ITCH: variants seen among roughly 807,000 people sequenced by gnomAD.
ITCH encodes itchy E3 ubiquitin protein ligase.
ITCH carries 28 observed loss-of-function variants against 126.8 expected under a neutral mutation model. The ratio of observed to expected loss-of-function variants is 0.22; its 90% CI spans 0.16 to 0.30. The LOEUF (loss-of-function observed/expected upper bound fraction) is 0.30, where lower values mean the gene tolerates loss of function less well. Ranked by LOEUF, ITCH falls within the 10% of genes least tolerant of loss-of-function variation. The pLI is 1.00. For missense variants in ITCH, 631 were observed against 1,032.4 expected, an observed-to-expected ratio of 0.61 and a Z score of 5.33; for synonymous variants, 342 against 340.0, an observed-to-expected ratio of 1.01 and a Z score of -0.06.
chr20:34,375,705 T>TTTTTTTTTTTC (rs2037816501), intron 2 of ITCH, among the ~76,000 whole-genome samples: 1 of 112,636 alleles, frequency 8.9e-6, no homozygotes, highest in African/African-American at 3.7e-5. Context: ...AATTTTTTTT[T>TTTTTTTTTTTC]TTTTTTTTTT....
At chr20:34,378,431 C>T (rs577683964) in intron 2 of ITCH, among the ~76,000 whole-genome samples, 1 of 136,184 alleles carries the variant, frequency 7.3e-6, no homozygotes, top group Non-Finnish European at 1.5e-5. Flanking sequence ...AGAGATTGCG[C>T]CATTGTACTC....
At chr20:34,443,627 G>T (rs1340409152) in intron 10 of ITCH, among the ~76,000 whole-genome samples, 2 of 152,120 alleles carry the variant, frequency 1.3e-5, no homozygotes, top group African/African-American at 4.8e-5. Context: ...ACCCTGAAAA[G>T]GTACTGTTTT....
chr20:34,369,598 A>G lies in ITCH; in HGVS notation c.-22+128A>G, dbSNP rs181201265. On this transcript the variant is annotated intron_variant, in intron 2 of 24. Coordinates refer to ENST00000374864, the MANE Select transcript of ITCH (RefSeq NM_031483.7). ...GCATCAGTTGGTTGAACATATAGGC[A>G]GCTTCACTTGGTTCTGAAACCCAAA... 6 of 393,018 alleles carry G rather than the reference A, an allele frequency of 1.5e-5. No individual in the cohort carries two copies. The Admixed American group carries it at 2.7e-4, about 17-fold the overall frequency. The allele number at this position is 393,018 out of a possible 1,614,324, so 24.3% of individuals were successfully genotyped here. A position where few individuals can be genotyped will look rare whatever the true frequency, so the allele number is the denominator to read the frequency against.
At chr20:34,402,177 G>A (rs543297478) in intron 3 of ITCH, 7 of 1,383,048 alleles carry the variant, frequency 5.1e-6, no homozygotes, top group South Asian at 3.5e-5. Flanking sequence ...GCTCTTCTTC[G>A]GTTCTGGAGG....
chr20:34,425,710 G>C (rs1310221444), intron 7 of ITCH, among the ~76,000 whole-genome samples: 6 of 152,178 alleles, frequency 3.9e-5, no homozygotes, highest in African/African-American at 1.4e-4. Context: ...ACGTATTCAT[G>C]ATACAGATTC....
chr20:34,379,535 CTG>C (rs1369916414), intron 2 of ITCH, among the ~76,000 whole-genome samples: 1 of 151,588 alleles, frequency 6.6e-6, no homozygotes, highest in Admixed American at 6.6e-5. Flanking sequence ...TTTTCTGTCT[CTG>C]TGAATTTAGC....
At chr20:34,477,663 G>C in intron 16 of ITCH, 109 bp from the exon 17 acceptor site, 1 of 915,558 alleles carries the variant, frequency 1.1e-6, no homozygotes. Context: ...ACCTTTCTGT[G>C]TCATGGGAGA....
intron 2 of ITCH, among the ~76,000 whole-genome samples, chr20:34,383,836 CTTTTTTTT>C (rs745864966): frequency 0.013 from 917 of 68,676 alleles, 15 homozygotes; most frequent in African/African-American, 0.049. Context: ...GTCTGTAATT[CTTTTTTTT>C]TTTTTTTTTT....
intron 2 of ITCH, among the ~76,000 whole-genome samples, chr20:34,374,437 G>A (rs1268060432): frequency 6.6e-6 from 1 of 152,118 alleles, no homozygotes; most frequent in Non-Finnish European, 1.5e-5. Context: ...AATAGTAATA[G>A]CATATATACA....
At chr20:34,409,389 T>C (rs945962221) in intron 4 of ITCH, among the ~76,000 whole-genome samples, 1 of 152,008 alleles carries the variant, frequency 6.6e-6, no homozygotes, top group African/African-American at 2.4e-5. Context: ...ACGGTGCCAG[T>C]TATACTATAG....
intron 1 of ITCH, among the ~76,000 whole-genome samples, chr20:34,367,249 C>T (rs2037455197): frequency 1.3e-5 from 2 of 152,202 alleles, no homozygotes; most frequent in South Asian, 2.1e-4. Flanking sequence ...GTGATCTCGG[C>T]TCACTGCAAC....
At chr20:34,410,394 AAAG>A (rs1978840838) in intron 4 of ITCH, among the ~76,000 whole-genome samples, 1 of 152,044 alleles carries the variant, frequency 6.6e-6, no homozygotes, top group African/African-American at 2.4e-5. Context: ...GAAAAAAAAA[AAAG>A]AATTTATGGA....
chr20:34,370,152 A>C (rs2037567184), intron 2 of ITCH, among the ~76,000 whole-genome samples: 2 of 151,200 alleles, frequency 1.3e-5, no homozygotes, highest in South Asian at 4.2e-4. Context: ...GAAAGAATAG[A>C]GGACTTGGAA....
intron 14 of ITCH, chr20:34,466,314 T>G: frequency 1.9e-6 from 1 of 518,594 alleles, no homozygotes; most frequent in Non-Finnish European, 4.0e-6. Flanking sequence ...CTGCTGAGAT[T>G]TTTTTGCTGA....
intron 10 of ITCH, 22 bp from the exon 11 acceptor site, chr20:34,445,265 T>TG (rs1555875525): frequency 3.8e-6 from 6 of 1,592,962 alleles, no homozygotes; most frequent in South Asian, 1.1e-5. Flanking sequence ...AGCTTGTTTT[T>TG]TTTTTTTTTT....
At chr20:34,418,426 T>G (rs1176565189) in intron 6 of ITCH, among the ~76,000 whole-genome samples, 1 of 152,198 alleles carries the variant, frequency 6.6e-6, no homozygotes, top group East Asian at 1.9e-4. Flanking sequence ...TAAATTTTGA[T>G]GCTTTGTTAT....
At chr20:34,401,660 T>C (rs560378104) in intron 3 of ITCH, 4 of 980,020 alleles carry the variant, frequency 4.1e-6, no homozygotes, top group East Asian at 1.1e-4. Flanking sequence ...GGAAGTAGAC[T>C]GTGGAATCAA....
chr20:34,480,582 G>A lies in ITCH; in HGVS notation c.1819-17G>A, dbSNP rs1988654073. 6.2e-7 allele frequency: 1 copy of A among 1,612,926 alleles called. No individual in the cohort carries two copies. Among genetic ancestry groups the A allele is most frequent in the East Asian group, 2.2e-5 (1 of 44,784 alleles). On this transcript the variant is annotated splice_polypyrimidine_tract_variant and intron_variant, in intron 18 of 24. Coordinates refer to ENST00000374864, the MANE Select transcript of ITCH (RefSeq NM_031483.7). ...TTGTACAGTTATTTTAAGCGGTCTT[G>A]TTTCCTTTTTTCATAGGCTCTGTTC... is the stretch of plus-strand genomic sequence containing the variant.
At chr20:34,384,349 T>G (rs2038190801) in intron 2 of ITCH, 2 of 150,558 alleles carry the variant, frequency 1.3e-5, no homozygotes, top group South Asian at 4.3e-4. Context: ...TGGCGTGATC[T>G]TGTCTCACTG....
Sources: allele counts gnomAD v4.1 joint callset (sites outside exome capture counted in the v4.1 genomes callset), GRCh38; gene constraint gnomAD v4.1.1; transcripts MANE v1.5; gene names NCBI Gene and HGNC (gene_info 2026-07-23, HGNC 2026-07-21).